The following PAPPA2 variants were observed in gnomAD, a reference collection of about 807,000 sequenced individuals.
PAPPA2 encodes pappalysin-2.
A neutral mutation model predicts 176.4 loss-of-function variants in PAPPA2; 86 were observed. The ratio of observed to expected loss-of-function variants is 0.49; its 90% CI spans 0.41 to 0.58. The LOEUF is 0.58. Ranked by LOEUF, PAPPA2 falls within the 20% of genes least tolerant of loss-of-function variation. PAPPA2 has a pLI of 0.00. For synonymous variants in PAPPA2, 809 were observed against 852.2 expected (o/e 0.95, Z 0.88); for missense variants, 2,073 against 2,256.9 (o/e 0.92, Z 1.65).
chr1:176,621,958 C>CT (rs1044247748), intron 3 of PAPPA2, among the ~76,000 whole-genome samples: 10 of 151,060 alleles, frequency 6.6e-5, no homozygotes, highest in Admixed American at 1.3e-4. Context: ...TATTTCACAG[C>CT]TTTTTTTTTA....
chr1:176,768,123 A>G (rs1664059766), intron 15 of PAPPA2, among the ~76,000 whole-genome samples: 1 of 152,098 alleles, frequency 6.6e-6, no homozygotes, highest in African/African-American at 2.4e-5. Context: ...TTGACCTTTG[A>G]TAATCCAGTA....
intron 2 of PAPPA2, among the ~76,000 whole-genome samples, chr1:176,558,794 C>A (rs148874190): frequency 1.2e-4 from 18 of 152,180 alleles, no homozygotes; most frequent in African/African-American, 4.1e-4. Context: ...TGCTTGCAGT[C>A]TAGACTAAGA....
intron 21 of PAPPA2, among the ~76,000 whole-genome samples, chr1:176,805,991 CA>C (rs11439850): frequency 0.024 from 1,804 of 76,552 alleles, 8 homozygotes; most frequent in Middle Eastern, 0.073. Context: ...CTGTCTCTCT[CA>C]AAAAAAAAAA....
rs377532100 is a variant in PAPPA2 at position 176,512,683 on chromosome 1, A to G, written c.-916-42724A>G. On this transcript the variant is annotated intron_variant, in intron 1 of 22. Transcript: ENST00000367662. ...CTACATTTTTATTAATGTATTGATT[A>G]CACTGATGTGTGCATATATATATGT... 9.8e-5 allele frequency among the ~76,000 whole-genome samples: 15 copies of G among 152,340 alleles called. No homozygotes were observed. In the East Asian group the frequency reaches 2.1e-3, roughly 22 times the overall value.
intron 15 of PAPPA2, among the ~76,000 whole-genome samples, chr1:176,767,470 C>A (rs1323232774): frequency 1.3e-5 from 2 of 152,184 alleles, no homozygotes; most frequent in Admixed American, 6.5e-5. Flanking sequence ...GCCTCAGCCT[C>A]CTGAGTAGCT....
At chr1:176,697,962 AAAC>A (rs570459327) in intron 7 of PAPPA2, among the ~76,000 whole-genome samples, 64 of 152,252 alleles carry the variant, frequency 4.2e-4, no homozygotes, top group Admixed American at 3.2e-3. Flanking sequence ...TATAGGCAAA[AAAC>A]AATAAAAACC....
chr1:176,690,894 G>A (rs1660091140), intron 5 of PAPPA2: 4 of 921,030 alleles, frequency 4.3e-6, no homozygotes, highest in African/African-American at 2.1e-5. Flanking sequence ...GGCTCAGCAT[G>A]TTTTACTGTA....
intron 21 of PAPPA2, among the ~76,000 whole-genome samples, chr1:176,828,207 G>A (rs1026409363): frequency 3.3e-5 from 5 of 151,978 alleles, no homozygotes; most frequent in African/African-American, 4.8e-5. Context: ...CCTTAACAGC[G>A]CCAGTTTTTA....
chr1:176,773,846 A>G (rs1664336636), intron 17 of PAPPA2, among the ~76,000 whole-genome samples: 1 of 152,176 alleles, frequency 6.6e-6, no homozygotes, highest in African/African-American at 2.4e-5. Context: ...GTTTCAAGAC[A>G]AAAGAATGAT....
At position 176,791,436 on chromosome 1, in the gene PAPPA2, A is replaced by G. The variant is rs1200337232; in HGVS notation, c.4974A>G (p.Ser1658=). ...NLQGECPPPP[S]ELNSVEYKCE... ...AAGGAGAATGCCCACCACCCCCCTC[A>G]GAGCTGAATTCTGTGGAGTACAAAT... is the stretch of plus-strand genomic sequence containing the variant. The change falls in exon 19 of 23, where the codon TCA becomes TCG. Residue 1658 remains serine, a synonymous_variant. Transcript: ENST00000367662. 15 of 1,613,840 alleles carry G rather than the reference A, an allele frequency of 9.3e-6. No homozygotes were observed. Among genetic ancestry groups the G allele is most frequent in the Non-Finnish European group, 1.3e-5 (15 of 1,179,748 alleles).
chr1:176,641,160 A>G (rs1467963801), intron 3 of PAPPA2, among the ~76,000 whole-genome samples: 1 of 151,180 alleles, frequency 6.6e-6, no homozygotes, highest in Admixed American at 6.6e-5. Flanking sequence ...CTCTGGTGGT[A>G]GTTTCTTTTG....
chr1:176,659,095 G>A (rs1018232645), intron 3 of PAPPA2, among the ~76,000 whole-genome samples: 2 of 151,998 alleles, frequency 1.3e-5, no homozygotes, highest in African/African-American at 4.8e-5. Context: ...AGAAAACTAA[G>A]AATGGAGATA....
chr1:176,779,517 C>G (rs919802444), intron 17 of PAPPA2, among the ~76,000 whole-genome samples: 1,411 of 109,646 alleles, frequency 0.013, 16 homozygotes, highest in Middle Eastern at 0.039. Flanking sequence ...CACACACACA[C>G]ACAGAGAGAG....
intron 4 of PAPPA2, among the ~76,000 whole-genome samples, chr1:176,688,845 A>G (rs781550254): frequency 6.6e-6 from 1 of 152,204 alleles, no homozygotes; most frequent in African/African-American, 2.4e-5. Context: ...TCTCCTGCCC[A>G]TAAGGCTGTG....
chr1:176,674,516 G>T (rs1382902763), intron 4 of PAPPA2, among the ~76,000 whole-genome samples: 1 of 151,986 alleles, frequency 6.6e-6, no homozygotes, highest in Non-Finnish European at 1.5e-5. Flanking sequence ...GTGATGTTTG[G>T]TTTCCCATTC....
chr1:176,513,450 C>A (rs936313925), intron 1 of PAPPA2, among the ~76,000 whole-genome samples: 1 of 151,934 alleles, frequency 6.6e-6, no homozygotes, highest in Non-Finnish European at 1.5e-5. Flanking sequence ...TTCTCTTTTG[C>A]CTTCCTCTGA....
rs2102724203 is a variant in PAPPA2 at position 176,639,708 on chromosome 1, TC to T, written c.1992-31261del. On this transcript the variant is annotated intron_variant, in intron 3 of 22. Coordinates refer to ENST00000367662, the MANE Select transcript of PAPPA2 (RefSeq NM_020318.3). ...TGGCCAGTGGCCCATTTTCTTTTTTTCTTTTTCTTTCTTTTTTTTTTTTGAG... is the reference window on the plus strand; with the variant it reads ...TGGCCAGTGGCCCATTTTCTTTTTTTTTTTTCTTTCTTTTTTTTTTTTGAG... 1.3e-5 allele frequency among the ~76,000 whole-genome samples: 2 copies of T among 150,172 alleles called. 1 individual carries two copies. The highest frequency in any genetic ancestry group is 3.9e-4 in the East Asian group (2 of 5,116).
chr1:176,577,359 G>GT (rs1201658720), intron 2 of PAPPA2, among the ~76,000 whole-genome samples: 2 of 152,108 alleles, frequency 1.3e-5, no homozygotes, highest in African/African-American at 4.8e-5. Context: ...CTCCTCTCCT[G>GT]TTTTCTAGTA....
At position 176,483,569 on chromosome 1, in the gene PAPPA2, C is replaced by A. The variant is rs140111936; in HGVS notation, c.-917+20151C>A. Among the ~76,000 whole-genome samples, 810 of 140,380 alleles carry A rather than the reference C, an allele frequency of 5.8e-3. 7 individuals are homozygous for A. The highest frequency in any genetic ancestry group is 0.02 in the African/African-American group (779 of 38,240). The allele number at this position is 140,380 out of a possible 152,430, so 92.1% of individuals were successfully genotyped here. A position where few individuals can be genotyped will look rare whatever the true frequency, so the allele number is the denominator to read the frequency against. On this transcript the variant is annotated intron_variant, in intron 1 of 22. Coordinates refer to ENST00000367662, the MANE Select transcript of PAPPA2 (RefSeq NM_020318.3). ...CACTGCAATCTCCGCTTCCCGGGTT[C>A]AAGCGATTCTCCTGTCTCAGCCTCC...
Sources: gnomAD v4.1 joint callset for allele counts (sites outside exome capture counted in the v4.1 genomes callset) on GRCh38, gnomAD v4.1.1 for gene constraint, MANE v1.5 for transcripts, NCBI Gene and HGNC (gene_info 2026-07-23, HGNC 2026-07-21) for gene names.